YWHAQ: variants seen among roughly 807,000 people sequenced by gnomAD.
YWHAQ encodes the protein 14-3-3 protein theta.
A neutral mutation model predicts 28.3 loss-of-function variants in YWHAQ; 6 were observed. The ratio of observed to expected loss-of-function variants is 0.21; its 90% CI spans 0.12 to 0.42. The LOEUF is 0.42. YWHAQ is among the 10% of genes least tolerant of loss of function. YWHAQ has a pLI of 1.00. For missense variants in YWHAQ, 201 were observed against 305.6 expected (o/e 0.66, Z 2.55); for synonymous variants, 143 against 119.1 (o/e 1.20, Z -1.31).
intron 2 of YWHAQ, among the ~76,000 whole-genome samples, chr2:9,613,183 T>C (rs1384052700): frequency 1.3e-5 from 2 of 152,206 alleles, no homozygotes; most frequent in Non-Finnish European, 2.9e-5. Flanking sequence ...GGCCTTCATA[T>C]GGAGCACTCA....
intron 2 of YWHAQ, among the ~76,000 whole-genome samples, chr2:9,610,420 C>T (rs1666920419): frequency 6.6e-6 from 1 of 152,172 alleles, no homozygotes. Flanking sequence ...TCAATTGTGT[C>T]ATACAGCATG....
chr2:9,601,809 C>G (rs1037876587), intron 2 of YWHAQ, among the ~76,000 whole-genome samples: 6 of 152,120 alleles, frequency 3.9e-5, no homozygotes, highest in African/African-American at 1.4e-4. Flanking sequence ...CCTTGCTCGG[C>G]TAATTTCTTT....
chr2:9,601,270 T>C (rs1666686697), intron 2 of YWHAQ, among the ~76,000 whole-genome samples: 1 of 152,170 alleles, frequency 6.6e-6, no homozygotes, highest in Non-Finnish European at 1.5e-5. Context: ...GAGACCAGCC[T>C]GGCCAACATG....
Position 9,588,110 on chromosome 2 carries a change from C to T in YWHAQ, c.582+55G>A, listed in dbSNP as rs1666383082. 3.4e-6 allele frequency: 5 copies of T among 1,472,724 alleles called. No homozygotes were observed. In the South Asian group the frequency reaches 4.5e-5, roughly 13 times the overall value. The allele number at this position is 1,472,724 out of a possible 1,614,324, so 91.2% of individuals were successfully genotyped here. On this transcript the variant is annotated intron_variant, in intron 4 of 5. Transcript: ENST00000238081. ...GTAAAATACCTATAAATTAACATAC[C>T]TGGTATCTCAAATAACTGTAGCTAA...
intron 2 of YWHAQ, among the ~76,000 whole-genome samples, chr2:9,619,043 A>G (rs1667090167): frequency 6.6e-6 from 1 of 152,218 alleles, no homozygotes; most frequent in African/African-American, 2.4e-5. Context: ...TATACTAATA[A>G]TCTTAGTAGG....
intron 2 of YWHAQ, among the ~76,000 whole-genome samples, chr2:9,601,996 C>A (rs988575264): frequency 3.9e-5 from 6 of 152,042 alleles, no homozygotes; most frequent in African/African-American, 1.4e-4. Context: ...ATCAAATGAA[C>A]AGATACTAAT....
chr2:9,602,108 C>T (rs1666705582), intron 2 of YWHAQ, among the ~76,000 whole-genome samples: 1 of 152,074 alleles, frequency 6.6e-6, no homozygotes, highest in Non-Finnish European at 1.5e-5. Context: ...CCTTTCCCTC[C>T]TCCTCTATTC....
At chr2:9,612,895 T>C (rs1475564183) in intron 2 of YWHAQ, among the ~76,000 whole-genome samples, 1 of 152,232 alleles carries the variant, frequency 6.6e-6, no homozygotes, top group Non-Finnish European at 1.5e-5. Flanking sequence ...ATTTCTGTGT[T>C]CACCACTCAA....
chr2:9,619,302 A>G (rs896593592), intron 2 of YWHAQ, among the ~76,000 whole-genome samples: 9 of 152,250 alleles, frequency 5.9e-5, no homozygotes, highest in African/African-American at 2.2e-4. Flanking sequence ...GTCAACAACA[A>G]AATAGAGGTA....
At chr2:9,615,545 A>C (rs1440444552) in intron 2 of YWHAQ, among the ~76,000 whole-genome samples, 1 of 152,216 alleles carries the variant, frequency 6.6e-6, no homozygotes, top group African/African-American at 2.4e-5. Context: ...GGAAGGTCTC[A>C]GAGGTCCTCT....
intron 2 of YWHAQ, among the ~76,000 whole-genome samples, chr2:9,611,510 T>C (rs1315036590): frequency 2.0e-5 from 3 of 152,190 alleles, no homozygotes; most frequent in Non-Finnish European, 2.9e-5. Context: ...GGCCACACCA[T>C]GAATTGCAGT....
At chr2:9,586,874 T>G (rs1400893376) in intron 5 of YWHAQ, among the ~76,000 whole-genome samples, 3 of 152,224 alleles carry the variant, frequency 2.0e-5, no homozygotes, top group African/African-American at 7.2e-5. Flanking sequence ...GTACTTTTTC[T>G]TGATTACTTC....
At chr2:9,599,553 T>G (rs1666646231) in intron 2 of YWHAQ, among the ~76,000 whole-genome samples, 1 of 152,140 alleles carries the variant, frequency 6.6e-6, no homozygotes, top group Admixed American at 6.6e-5. Context: ...TCCTTAAGAA[T>G]TATGCTAAAT....
At position 9,587,529 on chromosome 2, in the gene YWHAQ, A is replaced by G. The variant is rs760891573; in HGVS notation, c.583-20T>C. On this transcript the variant is annotated intron_variant, in intron 4 of 5. Transcript: ENST00000238081. Reference sequence around the variant, plus strand: ...AAAAGCCTGATAAATATTAATATCCATGGTAAAATATGTGCATTGACGAAA... The same window carrying G: ...AAAAGCCTGATAAATATTAATATCCGTGGTAAAATATGTGCATTGACGAAA... 1 of 1,564,990 alleles carries G rather than the reference A, an allele frequency of 6.4e-7. No homozygotes were observed. Among genetic ancestry groups the G allele is most frequent in the Non-Finnish European group, 8.7e-7 (1 of 1,153,986 alleles).
intron 2 of YWHAQ, among the ~76,000 whole-genome samples, chr2:9,611,034 C>T (rs1304125915): frequency 6.6e-6 from 1 of 152,154 alleles, no homozygotes; most frequent in East Asian, 1.9e-4. Context: ...GGAAACTTTT[C>T]TCAGACAAGT....
intron 2 of YWHAQ, among the ~76,000 whole-genome samples, chr2:9,605,127 C>T (rs74416513): frequency 0.028 from 4,123 of 144,704 alleles, 85 homozygotes; most frequent in Non-Finnish European, 0.042. Context: ...ATAGTTTCCC[C>T]ATTCTGTTCT....
chr2:9,615,298 T>G (rs1264350765), intron 2 of YWHAQ: 2 of 152,154 alleles, frequency 1.3e-5, no homozygotes. Flanking sequence ...TTATCTTGAT[T>G]GTTCATTCAG....
At chr2:9,598,013 T>C (rs866486285) in intron 2 of YWHAQ, among the ~76,000 whole-genome samples, 9 of 134,998 alleles carry the variant, frequency 6.7e-5, no homozygotes, top group African/African-American at 2.6e-4. Flanking sequence ...TTTTTTTTTT[T>C]AGTAGAGACA....
At chr2:9,594,410 G>A (rs1181246090) in intron 2 of YWHAQ, among the ~76,000 whole-genome samples, 3 of 152,134 alleles carry the variant, frequency 2.0e-5, no homozygotes, top group African/African-American at 7.2e-5. Context: ...GGTGGAAGGA[G>A]GAGGGTAGGA....
Sources: gnomAD v4.1 joint callset for allele counts (sites outside exome capture counted in the v4.1 genomes callset) on GRCh38, gnomAD v4.1.1 for gene constraint, MANE v1.5 for transcripts, NCBI Gene and HGNC (gene_info 2026-07-23, HGNC 2026-07-21) for gene names.